MRTFB: variants seen among roughly 807,000 people sequenced by gnomAD.
The protein encoded by MRTFB is myocardin related transcription factor B.
A neutral mutation model predicts 104.2 loss-of-function variants in MRTFB; 29 were observed. That is an observed-to-expected ratio of 0.28 (90% confidence interval 0.21 to 0.38). MRTFB has a LOEUF of 0.38. MRTFB is among the 10% of genes least tolerant of loss of function. MRTFB has a pLI of 1.00. For missense variants in MRTFB, 1,270 were observed against 1,341.6 expected (o/e 0.95, Z 0.83); for synonymous variants, 535 against 519.5 (o/e 1.03, Z -0.41).
intron 2 of MRTFB, among the ~76,000 whole-genome samples, chr16:14,091,674 C>T (rs1272607662): frequency 6.6e-6 from 1 of 152,040 alleles, no homozygotes; most frequent in Non-Finnish European, 1.5e-5. Flanking sequence ...GAGATCGAAA[C>T]GATCTGAGAA....
intron 3 of MRTFB, chr16:14,200,930 A>T: frequency 6.9e-7 from 1 of 1,448,442 alleles, no homozygotes; most frequent in Non-Finnish European, 9.7e-7. Context: ...TATTTTGGAA[A>T]GCAGTTTTTA....
chr16:14,140,785 T>C, intron 3 of MRTFB, 25 bp downstream of exon 3: 1 of 1,613,452 alleles, frequency 6.2e-7, no homozygotes, highest in Non-Finnish European at 8.5e-7. Context: ...TGCAATGGGA[T>C]CTTTGATTTA....
At chr16:14,145,607 A>G (rs1229788671) in intron 3 of MRTFB, among the ~76,000 whole-genome samples, 1 of 152,182 alleles carries the variant, frequency 6.6e-6, no homozygotes, top group Non-Finnish European at 1.5e-5. Context: ...TAGTACCTCA[A>G]AGTAAAGCAG....
At chr16:14,096,325 G>A (rs571722793) in intron 2 of MRTFB, among the ~76,000 whole-genome samples, 46 of 151,968 alleles carry the variant, frequency 3.0e-4, no homozygotes, top group African/African-American at 1.0e-3. Flanking sequence ...TGCCTGCTTC[G>A]GCCTCCCAAA....
chr16:14,118,130 T>C (rs916376299), intron 2 of MRTFB, among the ~76,000 whole-genome samples: 11 of 150,038 alleles, frequency 7.3e-5, no homozygotes, highest in African/African-American at 1.7e-4. Flanking sequence ...CTTTTTTTTT[T>C]TTTTTCTTTT....
At chr16:14,021,878 CAT>C in the MRTFB span, among the ~76,000 whole-genome samples, 175 of 152,292 alleles carry the variant, frequency 1.1e-3, 1 homozygote, top group African/African-American at 3.7e-3. Flanking sequence ...CTGCTATAGA[CAT>C]GTGTGTGCAA....
In MRTFB at chr16:14,234,279, T is replaced by C; in HGVS notation, c.827T>C (p.Val276Ala). ...TCAGCAAAGCCTGGCCCAGCACTGGTGAAGGTGGGTACTTTGGATACACCC... is the reference window on the plus strand; with the variant it reads ...TCAGCAAAGCCTGGCCCAGCACTGGCGAAGGTGGGTACTTTGGATACACCC... ...VSSAKPGPAL[V>A]KQSHPKNPND... Residue 276 changes from valine to alanine, a missense_variant, in exon 9 of 17, where the codon GTG becomes GCG. Physicochemically the swap from Val to Ala is moderately conservative, Grantham distance 64. Around this residue, in one of 3 missense-constraint regions of MRTFB, gnomAD observed 1,144 missense variants for 1,131.5 expected, o/e 1.01. Transcript: ENST00000571589. The C allele has an allele frequency of 6.2e-7, 1 of 1,613,924 alleles. No individual in the cohort carries two copies. Among genetic ancestry groups the C allele is most frequent in the Non-Finnish European group, 8.5e-7 (1 of 1,179,948 alleles).
At chr16:14,174,498 C>T (rs2039520657) in intron 3 of MRTFB, among the ~76,000 whole-genome samples, 1 of 152,070 alleles carries the variant, frequency 6.6e-6, no homozygotes, top group Admixed American at 6.5e-5. Flanking sequence ...GCCTGGCCAA[C>T]ATGGTGAAAC....
chr16:14,235,788 A>G (rs906694342), intron 9 of MRTFB, among the ~76,000 whole-genome samples: 5 of 152,168 alleles, frequency 3.3e-5, no homozygotes, highest in African/African-American at 1.2e-4. Context: ...GGCTGGGACA[A>G]TTATTTTATC....
chr16:13,995,136 A>C, the MRTFB span, among the ~76,000 whole-genome samples: 5 of 152,066 alleles, frequency 3.3e-5, no homozygotes, highest in African/African-American at 1.2e-4. Flanking sequence ...TCGTTGGTTG[A>C]TCTTCGGATA....
intron 2 of MRTFB, among the ~76,000 whole-genome samples, chr16:14,104,013 A>G (rs961343459): frequency 6.6e-6 from 1 of 152,206 alleles, no homozygotes; most frequent in Non-Finnish European, 1.5e-5. Flanking sequence ...AAAATAATGA[A>G]ATGACATGAT....
chr16:14,247,414 G>T lies in MRTFB; in HGVS notation c.2154G>T (p.Leu718=). 6.2e-7 allele frequency: 1 copy of T among 1,611,868 alleles called. No individual in the cohort carries two copies. The part of the protein sequence containing the change: ...PAVVAQPQAL[L]TTQTAQLLLP... ...TTGTTGCTCAGCCCCAGGCTTTACT[G>T]ACCACGCAGACTGCTCAGCTGCTGC... Residue 718 remains leucine (L), a synonymous_variant, in exon 12 of 17, where the codon CTG becomes CTT. Transcript: ENST00000571589.
chr16:14,212,710 AAG>A (rs1264396653), intron 5 of MRTFB, among the ~76,000 whole-genome samples: 2 of 152,220 alleles, frequency 1.3e-5, no homozygotes, highest in East Asian at 1.9e-4. Context: ...TTAGAGGCAT[AAG>A]AGGGGGTAAT....
At chr16:14,198,443 A>G (rs1052260694) in intron 3 of MRTFB, among the ~76,000 whole-genome samples, 12 of 152,248 alleles carry the variant, frequency 7.9e-5, no homozygotes, top group Admixed American at 1.3e-4. Flanking sequence ...TAAATGTTCT[A>G]ATTTTGTATC....
intron 3 of MRTFB, among the ~76,000 whole-genome samples, chr16:14,201,614 A>G (rs2040708097): frequency 6.6e-6 from 1 of 152,184 alleles, no homozygotes; most frequent in Admixed American, 6.5e-5. Flanking sequence ...AAGTGGAATC[A>G]TCGTAGTTTA....
the MRTFB span, among the ~76,000 whole-genome samples, chr16:14,002,576 C>G: frequency 1.9e-3 from 296 of 152,284 alleles, 2 homozygotes; most frequent in Admixed American, 6.8e-3. Context: ...ATCGACAATT[C>G]TCTCACGTAC....
intron 16 of MRTFB, 57 bp downstream of exon 16, chr16:14,258,218 T>G: frequency 6.9e-7 from 1 of 1,453,346 alleles, no homozygotes; most frequent in South Asian, 1.2e-5. Flanking sequence ...CCCAAGTTCA[T>G]GAAAGTTTTT....
upstream of MRTFB, among the ~76,000 whole-genome samples, chr16:14,068,666 TG>T (rs1412657213): frequency 7.2e-5 from 11 of 152,136 alleles, no homozygotes; most frequent in African/African-American, 2.4e-4. Flanking sequence ...ATCTGTAAAA[TG>T]GGGACAACCA....
intron 6 of MRTFB, among the ~76,000 whole-genome samples, chr16:14,214,245 C>T (rs753012857): frequency 6.6e-6 from 1 of 152,206 alleles, no homozygotes; most frequent in Non-Finnish European, 1.5e-5. Flanking sequence ...CCTCCACCAT[C>T]AACTCCCAAG....
Sources: allele counts gnomAD v4.1 joint callset (sites outside exome capture counted in the v4.1 genomes callset), GRCh38; gene constraint gnomAD v4.1.1; regional missense constraint gnomAD v4.1.1; transcripts MANE v1.5; gene names NCBI Gene and HGNC (gene_info 2026-07-23, HGNC 2026-07-21).